Variants in USP48 observed in about 807,000 individuals in gnomAD.
USP48 encodes ubiquitin carboxyl-terminal hydrolase 48.
A neutral mutation model predicts 150.7 loss-of-function variants in USP48; 43 were observed. The observed-to-expected ratio is 0.29, with a 90% CI of 0.22 to 0.37. The LOEUF (loss-of-function observed/expected upper bound fraction) is 0.37, where lower values mean the gene tolerates loss of function less well. USP48 is among the 10% of genes least tolerant of loss of function. The probability of loss-of-function intolerance (pLI) is 1.00; values close to 1 mark genes in which losing one functional copy is unlikely to be tolerated. For missense variants in USP48, 813 were observed against 1,249.6 expected (o/e 0.65, Z 5.27); for synonymous variants, 396 against 425.9 (o/e 0.93, Z 0.86).
chr1:21,699,814 C>CCACACACACACACACACACACA (rs10660046), intron 22 of USP48, among the ~76,000 whole-genome samples: 6 of 149,164 alleles, frequency 4.0e-5, no homozygotes, highest in African/African-American at 1.5e-4. Context: ...CTGCGCCTGG[C>CCACACACACACACACACACACA]CACACACACA....
chr1:21,687,361 C>T, intron 24 of USP48, 122 bp from the exon 25 acceptor site: 9 of 948,092 alleles, frequency 9.5e-6, no homozygotes, highest in East Asian at 2.6e-5. Context: ...CAGTAGATAA[C>T]TCAGTTTCAG....
intron 23 of USP48, among the ~76,000 whole-genome samples, chr1:21,691,072 T>C (rs878964613): frequency 1.3e-5 from 2 of 152,170 alleles, no homozygotes; most frequent in Admixed American, 1.3e-4. Flanking sequence ...CCCAACACTT[T>C]GGGAGGCCGA....
At chr1:21,679,606 C>G (rs990515726) in intron 26 of USP48, among the ~76,000 whole-genome samples, 167 bp from the exon 27 acceptor site, 1 of 152,220 alleles carries the variant, frequency 6.6e-6, no homozygotes, top group African/African-American at 2.4e-5. Context: ...AGACTCCAGG[C>G]TCTCCGCTAA....
intron 12 of USP48, 48 bp downstream of exon 12, chr1:21,723,850 G>A: frequency 6.5e-7 from 1 of 1,531,512 alleles, no homozygotes; most frequent in Non-Finnish European, 9.0e-7. Context: ...ATAAGATGAA[G>A]ATTTAATGAG....
In USP48 at chr1:21,711,064, A is replaced by G. The variant is rs1302208710; in HGVS notation, c.1964-4196T>C. Among the ~76,000 whole-genome samples the G allele has an allele frequency of 4.6e-5, 7 of 152,192 alleles. No individual in the cohort carries two copies. In the East Asian group the frequency reaches 1.2e-3, roughly 25 times the overall value. ...GCCTCTTGAAGTGCTGAGGTTATAG[A>G]TGTGAACCACCACACCAAAGGAATT... On this transcript the variant is annotated intron_variant, in intron 15 of 26. Coordinates refer to ENST00000308271, the MANE Select transcript of USP48 (RefSeq NM_032236.8).
At chr1:21,680,993 G>C in intron 25 of USP48, 159 bp from the exon 26 acceptor site, 2 of 589,038 alleles carry the variant, frequency 3.4e-6, no homozygotes, top group Non-Finnish European at 5.9e-6. Flanking sequence ...ACTAATTTCA[G>C]AACAATCTTT....
intron 26 of USP48, among the ~76,000 whole-genome samples, chr1:21,679,740 G>A (rs949094128): frequency 2.0e-5 from 3 of 152,200 alleles, no homozygotes; most frequent in Admixed American, 6.5e-5. Context: ...TTGTCGCCCA[G>A]GCTGGAGTGC....
intron 1 of USP48, among the ~76,000 whole-genome samples, chr1:21,759,123 A>G (rs2097843946): frequency 7.1e-6 from 1 of 139,988 alleles, no homozygotes; most frequent in South Asian, 2.4e-4. Flanking sequence ...CGGAGGTTGC[A>G]GTGAGCCAAG....
At chr1:21,781,504 G>A (rs531185444) in intron 1 of USP48, among the ~76,000 whole-genome samples, 24 of 152,232 alleles carry the variant, frequency 1.6e-4, no homozygotes, top group Non-Finnish European at 1.5e-5. Flanking sequence ...CCCAGAAGAG[G>A]TGGGCAGATC....
chr1:21,698,999 T>C (rs1358283622), intron 22 of USP48, among the ~76,000 whole-genome samples: 2 of 151,430 alleles, frequency 1.3e-5, no homozygotes, highest in Non-Finnish European at 2.9e-5. Flanking sequence ...GAGAATGGAG[T>C]CCTGAATCGG....
intron 11 of USP48, 193 bp from the exon 12 acceptor site, chr1:21,724,288 G>A: frequency 1.6e-6 from 1 of 635,452 alleles, no homozygotes; most frequent in Admixed American, 2.6e-5. Context: ...TGAGTTCAAG[G>A]AGCTGTGCAC....
At chr1:21,773,641 G>A (rs897516127) in intron 1 of USP48, among the ~76,000 whole-genome samples, 2 of 152,196 alleles carry the variant, frequency 1.3e-5, no homozygotes, top group African/African-American at 4.8e-5. Flanking sequence ...TCACTCTAGA[G>A]GACCAGGATA....
intron 15 of USP48, among the ~76,000 whole-genome samples, chr1:21,709,900 TGA>T (rs888665191): frequency 2.4e-4 from 36 of 152,214 alleles, no homozygotes; most frequent in African/African-American, 8.0e-4. Context: ...ACTTGTTAGC[TGA>T]GTTTCTAAAT....
At chr1:21,695,315 T>C in intron 22 of USP48, 94 bp from the exon 23 acceptor site, 1 of 1,335,596 alleles carries the variant, frequency 7.5e-7, no homozygotes, top group South Asian at 1.5e-5. Context: ...AGCTGTTTCC[T>C]TATTGGTCCC....
chr1:21,781,396 G>A (rs962565021), intron 1 of USP48, among the ~76,000 whole-genome samples: 1 of 152,078 alleles, frequency 6.6e-6, no homozygotes, highest in Non-Finnish European at 1.5e-5. Flanking sequence ...CCGAGATCAC[G>A]CCATTGCACT....
At chr1:21,777,554 C>G (rs2097902874) in intron 1 of USP48, among the ~76,000 whole-genome samples, 1 of 151,802 alleles carries the variant, frequency 6.6e-6, no homozygotes, top group South Asian at 2.1e-4. Context: ...GCAGTTGTAC[C>G]TACTGGGGAT....
At chr1:21,697,137 TC>T (rs2097636226) in intron 22 of USP48, among the ~76,000 whole-genome samples, 1 of 151,920 alleles carries the variant, frequency 6.6e-6, no homozygotes, top group Non-Finnish European at 1.5e-5. Context: ...ACTCATGGGC[TC>T]CACAGTTTAC....
intron 24 of USP48, 39 bp from the exon 25 acceptor site, chr1:21,687,278 G>A (rs10493008): frequency 0.46 from 730,858 of 1,592,588 alleles, 171,615 homozygotes; most frequent in Admixed American, 0.69. Flanking sequence ...CCACAAGGGA[G>A]AGGGAGTCTG....
intron 1 of USP48, among the ~76,000 whole-genome samples, chr1:21,771,089 G>A (rs2097878772): frequency 1.3e-5 from 2 of 152,096 alleles, no homozygotes; most frequent in Non-Finnish European, 1.5e-5. Context: ...TCGTGGCACT[G>A]CACTCCAGCC....
Sources: allele counts gnomAD v4.1 joint callset (sites outside exome capture counted in the v4.1 genomes callset), GRCh38; gene constraint gnomAD v4.1.1; transcripts MANE v1.5; gene names NCBI Gene and HGNC (gene_info 2026-07-23, HGNC 2026-07-21).